The following WNT4 variants were observed in gnomAD, a reference collection of about 807,000 sequenced individuals.
WNT4 encodes Wnt family member 4, also known as protein Wnt-4.
A neutral mutation model predicts 34.5 loss-of-function variants in WNT4; 16 were observed. That is an observed-to-expected ratio of 0.46 (90% CI 0.31 to 0.70). WNT4 has a LOEUF of 0.70. WNT4 is among the 30% of genes least tolerant of loss of function. The pLI, the probability that WNT4 is intolerant of heterozygous loss-of-function variation, is 0.04. For synonymous variants in WNT4, 200 were observed against 211.9 expected (o/e 0.94, Z 0.49); for missense variants, 379 against 495.9 (o/e 0.76, Z 2.24).
rs552060973 is a variant in WNT4 at position 22,134,652 on chromosome 1, C to T, written c.78-4801G>A. Among the ~76,000 whole-genome samples the T allele has an allele frequency of 6.6e-5, 10 of 152,266 alleles. No homozygotes were observed. Among genetic ancestry groups the T allele is most frequent in the South Asian group, 2.1e-4 (1 of 4,822 alleles). ...AAGTGGGGAGACTGGAATTCCTGCACGCAGGAGGCCTAAATGAATGAAATC... is the reference window on the plus strand; with the variant it reads ...AAGTGGGGAGACTGGAATTCCTGCATGCAGGAGGCCTAAATGAATGAAATC... On this transcript the variant is annotated intron_variant, in intron 1 of 4. Coordinates refer to ENST00000290167, the MANE Select transcript of WNT4 (RefSeq NM_030761.5). This position sits in a 1 kb window ranked among gnomAD's most constrained non-coding sequence, Gnocchi z 4.1.
At chr1:22,122,361 A>T (rs1406346686) in intron 2 of WNT4, among the ~76,000 whole-genome samples, 1 of 152,086 alleles carries the variant, frequency 6.6e-6, no homozygotes, top group Non-Finnish European at 1.5e-5. Flanking sequence ...CCAGAGAGCC[A>T]TGGAACCAAG....
intron 1 of WNT4, among the ~76,000 whole-genome samples, chr1:22,132,877 C>T (rs968868446): frequency 5.9e-5 from 9 of 152,256 alleles, no homozygotes; most frequent in East Asian, 5.8e-4. Context: ...CCCAGGGTCT[C>T]GCCCGGGCAG....
rs1039373779 is a variant in WNT4, at chr1:22,134,808, C to A, written c.78-4957G>T. ...TTCCTCTGGCCACCCCTCTGCTGCA[C>A]CCCAGACCAGACCCATGCTGACTTC... On this transcript the variant is annotated intron_variant, in intron 1 of 4. Coordinates refer to ENST00000290167, the MANE Select transcript of WNT4 (RefSeq NM_030761.5). The surrounding 1 kb of genome is among the most constrained non-coding windows in gnomAD (Gnocchi z 4.1). 6.6e-6 allele frequency among the ~76,000 whole-genome samples: 1 copy of A among 152,210 alleles called. No individual in the cohort carries two copies. The highest frequency in any genetic ancestry group is 1.9e-4 in the East Asian group (1 of 5,200).
At position 22,140,100 on chromosome 1, in the gene WNT4, C is replaced by G; in HGVS notation, c.77+2746G>C. 1.1e-6 allele frequency: 1 copy of G among 874,886 alleles called. No homozygotes were observed. The highest frequency in any genetic ancestry group is 1.4e-6 in the Non-Finnish European group (1 of 729,000). The allele number at this position is 874,886 out of a possible 1,614,324, so 54.2% of individuals were successfully genotyped here. A position where few individuals can be genotyped will look rare whatever the true frequency, so the allele number is the denominator to read the frequency against. Reference sequence around the variant, plus strand: ...CTCGCCACTGGCCAGCAGACCCACCCTGGACTCCAGGGTATTGGGAGGCGA... The same window carrying G: ...CTCGCCACTGGCCAGCAGACCCACCGTGGACTCCAGGGTATTGGGAGGCGA... On this transcript the variant is annotated intron_variant, in intron 1 of 4. Transcript: ENST00000290167. This position sits in a 1 kb window ranked among gnomAD's most constrained non-coding sequence, Gnocchi z 5.9.
chr1:22,135,227 A>C (rs1485544112), intron 1 of WNT4, among the ~76,000 whole-genome samples: 2 of 152,204 alleles, frequency 1.3e-5, no homozygotes, highest in Non-Finnish European at 2.9e-5. Flanking sequence ...TGGGACCTTC[A>C]CTTATACTCT....
In WNT4 at chr1:22,118,652, C is replaced by T. The variant is rs549299065; in HGVS notation, c.*1398G>A. ...TTCACATCTTTCCTCAGAGCCTGTT[C>T]TGCCCTTAGGAACCATGTGGGCTCC... On this transcript the variant is annotated 3_prime_UTR_variant, in exon 5 of 5. Transcript: ENST00000290167. 2 of 152,658 alleles carry T rather than the reference C, an allele frequency of 1.3e-5. No homozygotes were observed. Among genetic ancestry groups the T allele is most frequent in the African/African-American group, 4.8e-5 (2 of 41,586 alleles). 9.5% of individuals were successfully genotyped at this position (152,658 alleles called of 1,614,324 possible).
rs1332263862 is a variant in WNT4 at position 22,142,438 on chromosome 1, A to G, written c.77+408T>C. On this transcript the variant is annotated intron_variant, in intron 1 of 4. Transcript: ENST00000290167. The surrounding 1 kb of genome is among the most constrained non-coding windows in gnomAD (Gnocchi z 6.0). Reference sequence around the variant, plus strand: ...GGGAGCTCGCTCCGGACTTCTCGGGATTAACCTGCTATTATGTCCCGGAGC... The same window carrying G: ...GGGAGCTCGCTCCGGACTTCTCGGGGTTAACCTGCTATTATGTCCCGGAGC... 1.3e-5 allele frequency among the ~76,000 whole-genome samples: 2 copies of G among 152,068 alleles called. No individual in the cohort carries two copies. Among genetic ancestry groups the G allele is most frequent in the East Asian group, 3.9e-4 (2 of 5,164 alleles).
rs1646059190 is a variant in WNT4, at chr1:22,140,637, G to T, written c.77+2209C>A. Among the ~76,000 whole-genome samples, 1 of 152,336 alleles carries T rather than the reference G, an allele frequency of 6.6e-6. No homozygotes were observed. ...CTGGCCAGCTGATTGTTCGACAGAG[G>T]TTGATAAATATTGGACCAACCTTGG... On this transcript the variant is annotated intron_variant, in intron 1 of 4. Transcript: ENST00000290167. This position sits in a 1 kb window ranked among gnomAD's most constrained non-coding sequence, Gnocchi z 5.9.
Position 22,120,436 on chromosome 1 carries a change from C to T in WNT4, c.670G>A (p.Val224Met), listed in dbSNP as rs193047338. The change falls in exon 5 of 5, where the codon GTG becomes ATG. Residue 224 changes from valine to methionine, a missense_variant. By Grantham distance (21) the Val-to-Met change is conservative. Around this residue, in one of 2 missense-constraint regions of WNT4, gnomAD observed 313 missense variants for 445.8 expected, o/e 0.70. Transcript: ENST00000290167. ...TGACCCACCTGGCGGAAGGGCGGCA[C>T]GGCTCGCCAGCACGTCTTTACCTCA... ...SCEVKTCWRA[V>M]PPFRQVGHAL... 1.9e-5 allele frequency: 30 copies of T among 1,613,742 alleles called. No individual in the cohort carries two copies. The highest frequency in any genetic ancestry group is 2.3e-5 in the Non-Finnish European group (27 of 1,179,872).
chr1:22,130,149 C>T (rs747993732), intron 1 of WNT4, among the ~76,000 whole-genome samples: 23 of 152,224 alleles, frequency 1.5e-4, no homozygotes, highest in Non-Finnish European at 2.2e-4. Flanking sequence ...TGGCAGCCCC[C>T]GTGCCACTGT....
rs145574780 is a variant in WNT4, at chr1:22,137,665, A to G, written c.77+5181T>C. Among the ~76,000 whole-genome samples, 495 of 152,350 alleles carry G rather than the reference A, an allele frequency of 3.2e-3. 1 individual carries two copies. The highest frequency in any genetic ancestry group is 0.011 in the African/African-American group (468 of 41,584). On this transcript the variant is annotated intron_variant, in intron 1 of 4. Coordinates refer to ENST00000290167, the MANE Select transcript of WNT4 (RefSeq NM_030761.5). The surrounding 1 kb of genome is among the most constrained non-coding windows in gnomAD (Gnocchi z 5.3). The stretch of plus-strand genomic sequence containing the variant: ...TGCTAATCCAGGGCTGAGGGAAGAA[A>G]GTCAAACCATAGCAGACAGCTGGGT...
intron 1 of WNT4, among the ~76,000 whole-genome samples, chr1:22,133,519 G>A (rs972662404): frequency 2.0e-5 from 3 of 152,204 alleles, no homozygotes; most frequent in African/African-American, 4.8e-5. Context: ...TTCTAGGGGT[G>A]ACAGAGAGCC....
chr1:22,133,608 C>T (rs1358839548), intron 1 of WNT4, among the ~76,000 whole-genome samples: 2 of 152,252 alleles, frequency 1.3e-5, no homozygotes, highest in African/African-American at 4.8e-5. Context: ...GGCTGCATTG[C>T]CCCAATTTAG....
intron 1 of WNT4, among the ~76,000 whole-genome samples, chr1:22,136,561 T>A (rs1224360068): frequency 6.6e-6 from 1 of 152,086 alleles, no homozygotes; most frequent in Non-Finnish European, 1.5e-5. Flanking sequence ...GAACCCCTAC[T>A]CCCACCCCCA....
chr1:22,132,518 G>C (rs59008453), intron 1 of WNT4, among the ~76,000 whole-genome samples: 1 of 152,194 alleles, frequency 6.6e-6, no homozygotes, highest in Non-Finnish European at 1.5e-5. Flanking sequence ...CTACTGGCAG[G>C]GTGGGGAGTG....
chr1:22,135,206 G>A (rs903513219), intron 1 of WNT4, among the ~76,000 whole-genome samples: 3 of 152,224 alleles, frequency 2.0e-5, no homozygotes, highest in Admixed American at 2.0e-4. Context: ...GGGCATCACA[G>A]AGTGGATGCA....
At chr1:22,122,641 G>A (rs918691507) in intron 2 of WNT4, among the ~76,000 whole-genome samples, 1 of 152,066 alleles carries the variant, frequency 6.6e-6, no homozygotes, top group African/African-American at 2.4e-5. Flanking sequence ...CTGTCCTTCT[G>A]TCTCTTGCCT....
rs1278265657 is a variant in WNT4 at position 22,134,474 on chromosome 1, C to T, written c.78-4623G>A. ...GTCTTGGTATCCTGCTGTGCTCCCC[C>T]TGATGGTGCCCTAGCCTTGGAGACC... On this transcript the variant is annotated intron_variant, in intron 1 of 4. Transcript: ENST00000290167. This position sits in a 1 kb window ranked among gnomAD's most constrained non-coding sequence, Gnocchi z 4.1. Among the ~76,000 whole-genome samples, 1 of 152,198 alleles carries T rather than the reference C, an allele frequency of 6.6e-6. No homozygotes were observed.
chr1:22,129,522 C>T (rs1645965968), intron 2 of WNT4, 94 bp downstream of exon 2: 3 of 1,401,376 alleles, frequency 2.1e-6, no homozygotes, highest in Admixed American at 3.9e-5. Context: ...AAATGACCTG[C>T]AATAGTCCCG....
Sources: allele counts gnomAD v4.1 joint callset (sites outside exome capture counted in the v4.1 genomes callset), GRCh38; gene constraint gnomAD v4.1.1; regional missense constraint gnomAD v4.1.1; non-coding constraint Gnocchi (gnomAD v3.1); transcripts MANE v1.5; gene names NCBI Gene and HGNC (gene_info 2026-07-23, HGNC 2026-07-21).